Variants in ADAM19 observed in about 807,000 individuals in gnomAD.
The protein encoded by ADAM19 is disintegrin and metalloproteinase domain-containing protein 19.
In ADAM19, 65 loss-of-function variants were observed where a neutral mutation model predicts 114.7. The ratio of observed to expected loss-of-function variants is 0.57; its 90% CI spans 0.46 to 0.70. ADAM19 has a LOEUF of 0.70. Among genes scored for constraint, ADAM19 ranks in the 30% least tolerant of loss-of-function variants. ADAM19 has a pLI of 0.00. For synonymous variants in ADAM19, 466 were observed against 460.5 expected (o/e 1.01, Z -0.15); for missense variants, 1,063 against 1,204.7 (o/e 0.88, Z 1.74).
chr5:157,548,032 A>T (rs1245756086), intron 3 of ADAM19, among the ~76,000 whole-genome samples: 1 of 152,178 alleles, frequency 6.6e-6, no homozygotes, highest in Non-Finnish European at 1.5e-5. Context: ...ACTATAGAGA[A>T]CTTTTCATTT....
intron 3 of ADAM19, among the ~76,000 whole-genome samples, chr5:157,558,173 A>G (rs116556518): frequency 0.017 from 2,538 of 152,370 alleles, 36 homozygotes; most frequent in Non-Finnish European, 0.028. Flanking sequence ...CACTGCCTTC[A>G]GCGTCAACAC....
intron 3 of ADAM19, among the ~76,000 whole-genome samples, chr5:157,555,176 T>C (rs1054177808): frequency 1.3e-5 from 2 of 152,158 alleles, no homozygotes. Flanking sequence ...TTTTAGCAAG[T>C]CACACTGCTC....
intron 3 of ADAM19, among the ~76,000 whole-genome samples, chr5:157,551,297 G>A (rs935842835): frequency 1.7e-4 from 26 of 151,538 alleles, no homozygotes; most frequent in Admixed American, 9.2e-4. Flanking sequence ...TCAGCTACTC[G>A]GGAGGCTGAA....
chr5:157,481,664 G>A (rs1256555773), intron 22 of ADAM19, 127 bp downstream of exon 22: 2 of 1,551,702 alleles, frequency 1.3e-6, no homozygotes, highest in Admixed American at 2.0e-5. Flanking sequence ...TTTGCCCTTG[G>A]CTTTTGTTCT....
chr5:157,548,370 C>T (rs576921491), intron 3 of ADAM19, among the ~76,000 whole-genome samples: 69 of 152,292 alleles, frequency 4.5e-4, no homozygotes, highest in African/African-American at 1.6e-3. Flanking sequence ...ATAACCAGGA[C>T]CTATCCCAGT....
At chr5:157,510,930 T>G (rs535475436) in intron 8 of ADAM19, among the ~76,000 whole-genome samples, 1 of 152,348 alleles carries the variant, frequency 6.6e-6, no homozygotes, top group South Asian at 2.1e-4. Context: ...AAGGATGGAA[T>G]AAGCAGGTTG....
intron 21 of ADAM19, among the ~76,000 whole-genome samples, chr5:157,484,276 G>A (rs541191639): frequency 6.6e-6 from 1 of 152,090 alleles, no homozygotes; most frequent in African/African-American, 2.4e-5. Flanking sequence ...TTTTTACTTT[G>A]TGTCTCTCCA....
chr5:157,505,664 C>T lies in ADAM19; in HGVS notation c.1130+5G>A. On this transcript the variant is annotated splice_donor_5th_base_variant and intron_variant, in intron 11 of 22. Transcript: ENST00000257527. The stretch of plus-strand genomic sequence containing the variant: ...CCCCATCCTCCCTCTTGCTGTTTGA[C>T]TCACCCAGTGGCAGCTGCCATGATG... The T allele has an allele frequency of 1.9e-6, 3 of 1,613,736 alleles. No homozygotes were observed. The highest frequency in any genetic ancestry group is 2.5e-6 in the Non-Finnish European group (3 of 1,179,800).
intron 8 of ADAM19, 80 bp from the exon 9 acceptor site, chr5:157,509,547 C>A (rs1755849490): frequency 3.7e-6 from 4 of 1,091,624 alleles, no homozygotes; most frequent in South Asian, 3.1e-5. Context: ...TCTGGTGGAG[C>A]TTGAGATTAA....
intron 3 of ADAM19, among the ~76,000 whole-genome samples, chr5:157,557,561 A>G (rs1175152976): frequency 1.4e-4 from 22 of 152,246 alleles, no homozygotes; most frequent in Admixed American, 1.4e-3. Context: ...ATGGCATCTT[A>G]GTCCATTCTG....
At chr5:157,573,616 C>CTAAAA (rs2113804930) in intron 1 of ADAM19, among the ~76,000 whole-genome samples, 1 of 152,094 alleles carries the variant, frequency 6.6e-6, no homozygotes, top group East Asian at 1.9e-4. Flanking sequence ...TGTGGTGGCA[C>CTAAAA]ATGCCAATAA....
chr5:157,508,268 A>C (rs1360833731), intron 9 of ADAM19, among the ~76,000 whole-genome samples: 4 of 152,246 alleles, frequency 2.6e-5, no homozygotes, highest in Non-Finnish European at 1.5e-5. Flanking sequence ...GGATAAGCCA[A>C]AGTTTAAATG....
At chr5:157,485,263 G>T (rs1463762256) in intron 21 of ADAM19, among the ~76,000 whole-genome samples, 4 of 152,290 alleles carry the variant, frequency 2.6e-5, no homozygotes, top group Admixed American at 2.6e-4. Flanking sequence ...ACACCCATTT[G>T]CTTCTAGAGT....
chr5:157,570,302 AC>A (rs67734747), intron 2 of ADAM19: 21,721 of 152,108 alleles, frequency 0.14, 1,930 homozygotes, highest in Admixed American at 0.22. Flanking sequence ...AAAACAAAAA[AC>A]AAAAACCAGA....
chr5:157,562,519 C>A (rs1757535773), intron 3 of ADAM19, among the ~76,000 whole-genome samples: 1 of 152,186 alleles, frequency 6.6e-6, no homozygotes, highest in Non-Finnish European at 1.5e-5. Flanking sequence ...CACAACCATC[C>A]CACGAGGCTG....
At chr5:157,558,643 A>G (rs1757426771) in intron 3 of ADAM19, among the ~76,000 whole-genome samples, 1 of 152,182 alleles carries the variant, frequency 6.6e-6, no homozygotes, top group Non-Finnish European at 1.5e-5. Context: ...ATCCTAGGTA[A>G]GATGTTAAAG....
intron 13 of ADAM19, among the ~76,000 whole-genome samples, chr5:157,499,159 T>C (rs181402583): frequency 2.0e-5 from 3 of 152,240 alleles, no homozygotes; most frequent in Admixed American, 2.0e-4. Context: ...GTCACATATA[T>C]TTTATGGGGT....
Position 157,530,888 on chromosome 5 carries a change from C to G in ADAM19, c.331-5G>C. ...GCCGTGGTAAAAGCAGTGATCCTAGCAAGGAGAAAGGAGGTGGTCAGGCTA... is the reference window on the plus strand; with the variant it reads ...GCCGTGGTAAAAGCAGTGATCCTAGGAAGGAGAAAGGAGGTGGTCAGGCTA... On this transcript the variant is annotated splice_region_variant and splice_polypyrimidine_tract_variant and intron_variant, in intron 4 of 22. Coordinates refer to ENST00000257527, the MANE Select transcript of ADAM19 (RefSeq NM_033274.5). 1 of 1,613,566 alleles carries G rather than the reference C, an allele frequency of 6.2e-7. No individual in the cohort carries two copies. The highest frequency in any genetic ancestry group is 2.2e-5 in the East Asian group (1 of 44,880).
intron 5 of ADAM19, among the ~76,000 whole-genome samples, chr5:157,528,979 GAA>G (rs1756550284): frequency 6.6e-6 from 1 of 152,200 alleles, no homozygotes; most frequent in South Asian, 2.1e-4. Context: ...AAGAGAGGAA[GAA>G]CACACAATGG....
Sources: allele counts gnomAD v4.1 joint callset (sites outside exome capture counted in the v4.1 genomes callset), GRCh38; gene constraint gnomAD v4.1.1; transcripts MANE v1.5; gene names NCBI Gene and HGNC (gene_info 2026-07-23, HGNC 2026-07-21).